The following RNF220 variants were observed in gnomAD, a reference collection of about 807,000 sequenced individuals.
RNF220 encodes E3 ubiquitin-protein ligase RNF220.
RNF220 carries 7 observed loss-of-function variants against 67.1 expected under a neutral mutation model. The ratio of observed to expected loss-of-function variants is 0.10; its 90% CI spans 0.06 to 0.20. The LOEUF is 0.20. Among genes scored for constraint, RNF220 ranks in the 10% least tolerant of loss-of-function variants. RNF220 has a pLI of 1.00. For synonymous variants in RNF220, 270 were observed against 283.2 expected (o/e 0.95, Z 0.47); for missense variants, 565 against 740.3 (o/e 0.76, Z 2.75).
intron 2 of RNF220, among the ~76,000 whole-genome samples, chr1:44,431,120 A>T (rs1650319559): frequency 6.6e-6 from 1 of 152,218 alleles, no homozygotes; most frequent in African/African-American, 2.4e-5. Flanking sequence ...TTTGTAAAAA[A>T]GGTTAACTGA....
In RNF220 at chr1:44,624,203, C is replaced by T. The variant is rs1249894998; in HGVS notation, c.804+1416C>T. 6.6e-6 allele frequency among the ~76,000 whole-genome samples: 1 copy of T among 152,212 alleles called. No homozygotes were observed. The highest frequency in any genetic ancestry group is 1.5e-5 in the Non-Finnish European group (1 of 68,034). On this transcript the variant is annotated intron_variant, in intron 4 of 14. Transcript: ENST00000361799. The surrounding 1 kb of genome is among the most constrained non-coding windows in gnomAD (Gnocchi z 4.2). ...GCAGACTCACAGAGGTAGCGAGCTA[C>T]ACTCACTGAGTGTGGCCCAGCCTGC...
intron 2 of RNF220, among the ~76,000 whole-genome samples, chr1:44,431,445 T>C (rs1460696127): frequency 1.4e-5 from 2 of 145,582 alleles, no homozygotes; most frequent in African/African-American, 5.2e-5. Flanking sequence ...TGAGCCGAGA[T>C]CATGCCACTG....
intron 2 of RNF220, among the ~76,000 whole-genome samples, chr1:44,599,754 T>C (rs1473792694): frequency 6.6e-6 from 1 of 152,248 alleles, no homozygotes; most frequent in Non-Finnish European, 1.5e-5. Flanking sequence ...GATGAAGAGC[T>C]ACATTTTGTC....
intron 6 of RNF220, 41 bp downstream of exon 6, chr1:44,632,426 C>CTCCT: frequency 6.5e-7 from 1 of 1,528,712 alleles, no homozygotes; most frequent in Non-Finnish European, 8.8e-7. Context: ...CACCCCCGGC[C>CTCCT]TCCTCCCTCC....
intron 8 of RNF220, 108 bp downstream of exon 8, chr1:44,636,270 T>C (rs890470491): frequency 1.4e-6 from 2 of 1,436,672 alleles, no homozygotes; most frequent in Non-Finnish European, 1.9e-6. Flanking sequence ...CATCCATCCG[T>C]TCCACCACGT....
intron 2 of RNF220, among the ~76,000 whole-genome samples, chr1:44,462,503 T>G (rs1653877261): frequency 6.6e-6 from 1 of 152,188 alleles, no homozygotes; most frequent in African/African-American, 2.4e-5. Context: ...AACTCCTATA[T>G]GAAAGAAACT....
chr1:44,632,132 C>G (rs1413207952), intron 5 of RNF220: 4 of 1,526,290 alleles, frequency 2.6e-6, no homozygotes, highest in Non-Finnish European at 3.5e-6. Flanking sequence ...CACGGGGTCC[C>G]GTTAGAGCAG....
Position 44,574,793 on chromosome 1 carries a change from C to T in RNF220, c.626-39372C>T, listed in dbSNP as rs1236938594. ...GGTGATTCCTCTGTGCTTCCTCAGC[C>T]GCCTGTGCTAACCCCTATGGGATTG... On this transcript the variant is annotated intron_variant, in intron 2 of 14. Coordinates refer to ENST00000361799, the MANE Select transcript of RNF220 (RefSeq NM_018150.4). Among the ~76,000 whole-genome samples, 3 of 152,058 alleles carry T rather than the reference C, an allele frequency of 2.0e-5. No individual in the cohort carries two copies. The East Asian group carries it at 5.8e-4, about 29-fold the overall frequency.
At chr1:44,579,978 C>G (rs1665113889) in intron 2 of RNF220, among the ~76,000 whole-genome samples, 1 of 124,018 alleles carries the variant, frequency 8.1e-6, no homozygotes, top group Admixed American at 1.1e-4. Context: ...TGCAGTGAGC[C>G]ATGTCATGCC....
chr1:44,524,713 A>G (rs1269101297), intron 2 of RNF220, among the ~76,000 whole-genome samples: 1 of 152,056 alleles, frequency 6.6e-6, no homozygotes, highest in Non-Finnish European at 1.5e-5. Flanking sequence ...CCCCCTATTC[A>G]GGACCTAAAC....
At chr1:44,466,650 A>G (rs1654296728) in intron 2 of RNF220, among the ~76,000 whole-genome samples, 1 of 152,232 alleles carries the variant, frequency 6.6e-6, no homozygotes, top group Non-Finnish European at 1.5e-5. Context: ...AACAACATTC[A>G]TATTCTTGTA....
chr1:44,534,528 A>C (rs1661059906), intron 2 of RNF220, among the ~76,000 whole-genome samples: 1 of 152,096 alleles, frequency 6.6e-6, no homozygotes, highest in African/African-American at 2.4e-5. Flanking sequence ...CTAAATACCA[A>C]ATATCACTTC....
rs547260331 is a variant in RNF220 at position 44,649,116 on chromosome 1, CAG to C, written c.1446-544_1446-543del. ...AGCATAAAATGCGTGGCAAGGTCCTCAGGGGTACGGCGGGCTGGGGCTGGACC... is the reference window on the plus strand; with the variant it reads ...AGCATAAAATGCGTGGCAAGGTCCTCGGGTACGGCGGGCTGGGGCTGGACC... On this transcript the variant is annotated intron_variant, in intron 12 of 14. Coordinates refer to ENST00000361799, the MANE Select transcript of RNF220 (RefSeq NM_018150.4). The surrounding 1 kb of genome is among the most constrained non-coding windows in gnomAD (Gnocchi z 5.9). 247 of 167,754 alleles carry C rather than the reference CAG, an allele frequency of 1.5e-3. No individual in the cohort carries two copies. Among genetic ancestry groups the C allele is most frequent in the Non-Finnish European group, 2.1e-3 (158 of 76,954 alleles). 10.4% of individuals were successfully genotyped at this position (167,754 alleles called of 1,614,324 possible). A position where few individuals can be genotyped will look rare whatever the true frequency, so the allele number is the denominator to read the frequency against.
At chr1:44,537,204 G>T (rs955328386) in intron 2 of RNF220, among the ~76,000 whole-genome samples, 2 of 151,956 alleles carry the variant, frequency 1.3e-5, no homozygotes, top group Admixed American at 6.6e-5. Context: ...TCTTTGCGTG[G>T]TCTACAACCA....
At chr1:44,578,931 C>T (rs1193320138) in intron 2 of RNF220, among the ~76,000 whole-genome samples, 1 of 151,876 alleles carries the variant, frequency 6.6e-6, no homozygotes, top group Non-Finnish European at 1.5e-5. Context: ...TTTGGGAGGC[C>T]GAGGCGGGTG....
At chr1:44,610,117 G>GTA in intron 2 of RNF220, among the ~76,000 whole-genome samples, 1 of 152,234 alleles carries the variant, frequency 6.6e-6, no homozygotes, top group Non-Finnish European at 1.5e-5. Flanking sequence ...AATGAATGTG[G>GTA]ACGGGAGGCG....
chr1:44,626,549 G>A, intron 5 of RNF220, 151 bp downstream of exon 5: 1 of 625,970 alleles, frequency 1.6e-6, no homozygotes, highest in Non-Finnish European at 2.9e-6. Context: ...GCCCCTAAGT[G>A]AACTCAGGAG....
intron 2 of RNF220, among the ~76,000 whole-genome samples, chr1:44,597,965 C>CCTCTCT (rs370031040): frequency 7.1e-6 from 1 of 141,470 alleles, no homozygotes; most frequent in African/African-American, 2.7e-5. Flanking sequence ...ACCCCACCCA[C>CCTCTCT]CTCTCTCTCT....
At chr1:44,501,702 A>C (rs1471986726) in intron 2 of RNF220, among the ~76,000 whole-genome samples, 1 of 152,080 alleles carries the variant, frequency 6.6e-6, no homozygotes, top group Non-Finnish European at 1.5e-5. Context: ...CCACCCAAGC[A>C]CAGCGGCGGC....
Sources: allele counts gnomAD v4.1 joint callset (sites outside exome capture counted in the v4.1 genomes callset), GRCh38; gene constraint gnomAD v4.1.1; non-coding constraint Gnocchi (gnomAD v3.1); transcripts MANE v1.5; gene names NCBI Gene and HGNC (gene_info 2026-07-23, HGNC 2026-07-21).